OCA2: variants seen among roughly 807,000 people sequenced by gnomAD.
OCA2 encodes the protein OCA2 melanosomal transmembrane protein.
In OCA2, 77 loss-of-function variants were observed where a neutral mutation model predicts 100.2. The ratio of observed to expected loss-of-function variants is 0.77; its 90% CI spans 0.64 to 0.93. The LOEUF is 0.93. Among genes scored for constraint, OCA2 ranks in the 40% least tolerant of loss-of-function variants. The pLI is 0.00. For missense variants in OCA2, 1,062 were observed against 1,089.1 expected, an observed-to-expected ratio of 0.98 and a Z score of 0.35; for synonymous variants, 432 against 439.2, an observed-to-expected ratio of 0.98 and a Z score of 0.21.
At chr15:27,905,069 C>A (rs758083131) in intron 19 of OCA2, among the ~76,000 whole-genome samples, 1 of 150,042 alleles carries the variant, frequency 6.7e-6, no homozygotes, top group East Asian at 2.0e-4. Context: ...GAGGCTGAGG[C>A]AGGAGAATTG....
intron 18 of OCA2, among the ~76,000 whole-genome samples, chr15:27,931,672 T>C (rs908912986): frequency 3.3e-5 from 5 of 152,174 alleles, no homozygotes; most frequent in African/African-American, 1.2e-4. Context: ...AAAAATGATC[T>C]GTTCTTATTT....
chr15:27,947,981 T>G (rs1021515042), intron 18 of OCA2, among the ~76,000 whole-genome samples: 1 of 152,158 alleles, frequency 6.6e-6, no homozygotes, highest in Non-Finnish European at 1.5e-5. Flanking sequence ...AATAGTTAAG[T>G]TGGAATCTGT....
chr15:27,836,491 C>T (rs537151098), intron 23 of OCA2, among the ~76,000 whole-genome samples: 3 of 152,110 alleles, frequency 2.0e-5, no homozygotes, highest in South Asian at 2.1e-4. Flanking sequence ...TTGAAATTTA[C>T]GTTCAGAAAA....
At chr15:27,759,456 G>A (rs1014055666) in intron 23 of OCA2, among the ~76,000 whole-genome samples, 12 of 151,780 alleles carry the variant, frequency 7.9e-5, no homozygotes, top group African/African-American at 2.7e-4. Flanking sequence ...AAAATAAATA[G>A]CAAAATAGTA....
At chr15:27,870,230 C>T (rs942492119) in intron 21 of OCA2, among the ~76,000 whole-genome samples, 1 of 152,172 alleles carries the variant, frequency 6.6e-6, no homozygotes, top group African/African-American at 2.4e-5. Context: ...ATGTTCCCTG[C>T]GGGGAAGGGG....
chr15:28,089,150 C>T (rs904529404), intron 1 of OCA2, among the ~76,000 whole-genome samples: 4 of 152,242 alleles, frequency 2.6e-5, no homozygotes, highest in African/African-American at 7.2e-5. Context: ...CCTCCCGGCC[C>T]ACAGGCCACC....
intron 9 of OCA2, among the ~76,000 whole-genome samples, chr15:28,005,766 C>T (rs748135651): frequency 7.2e-5 from 11 of 152,108 alleles, no homozygotes; most frequent in Non-Finnish European, 1.5e-4. Flanking sequence ...GTGTGAGGTC[C>T]CATATGCAAA....
intron 23 of OCA2, among the ~76,000 whole-genome samples, chr15:27,812,491 T>A (rs1156957084): frequency 6.6e-6 from 1 of 152,098 alleles, no homozygotes; most frequent in African/African-American, 2.4e-5. Flanking sequence ...TATATTGACA[T>A]ACAGAGAAAC....
chr15:27,863,229 G>A (rs1415191064), intron 21 of OCA2, among the ~76,000 whole-genome samples: 4 of 152,172 alleles, frequency 2.6e-5, no homozygotes, highest in Non-Finnish European at 4.4e-5. Flanking sequence ...TGCTGCAGTC[G>A]GCTCCTGGCT....
intron 2 of OCA2, 47 bp from the exon 3 acceptor site, chr15:28,032,210 G>A (rs770126229): frequency 3.0e-6 from 4 of 1,326,916 alleles, no homozygotes; most frequent in Non-Finnish European, 4.4e-6. Flanking sequence ...CAGAAATAAT[G>A]TATGTGTTCC....
chr15:28,032,725 G>A (rs1312282308), intron 2 of OCA2, among the ~76,000 whole-genome samples: 3 of 151,122 alleles, frequency 2.0e-5, no homozygotes, highest in South Asian at 2.1e-4. Flanking sequence ...CCTGGGAGGC[G>A]GAGGTTGCAG....
chr15:27,874,783 G>A lies in OCA2; in HGVS notation c.2080-2861C>T, dbSNP rs138745423. On this transcript the variant is annotated intron_variant, in intron 19 of 23. Transcript: ENST00000354638. ...AAAAGAGTGAGTATATAACTGCCAG[G>A]AAAGGGGAAATAGAATTTTAAATAA... Among the ~76,000 whole-genome samples, 266 of 152,142 alleles carry A rather than the reference G, an allele frequency of 1.7e-3. 2 individuals carry two copies. The highest frequency in any genetic ancestry group is 6.2e-3 in the African/African-American group (256 of 41,510).
chr15:27,968,041 G>T (rs2040635488), intron 14 of OCA2, among the ~76,000 whole-genome samples: 1 of 152,010 alleles, frequency 6.6e-6, no homozygotes, highest in South Asian at 2.1e-4. Context: ...TCATTGGTTG[G>T]TTCTGCTCTT....
chr15:27,795,883 A>G (rs549997539), intron 23 of OCA2, among the ~76,000 whole-genome samples: 77 of 152,344 alleles, frequency 5.1e-4, no homozygotes, highest in African/African-American at 1.7e-3. Context: ...ACAGGGTTAT[A>G]TTATGCAGGC....
chr15:27,903,830 T>G (rs910014823), intron 19 of OCA2, among the ~76,000 whole-genome samples: 1 of 152,262 alleles, frequency 6.6e-6, no homozygotes, highest in African/African-American at 2.4e-5. Flanking sequence ...GAATGTGTCT[T>G]CTTGTTCTAA....
chr15:28,032,002 G>T, intron 3 of OCA2, 63 bp downstream of exon 3: 2 of 1,248,398 alleles, frequency 1.6e-6, no homozygotes, highest in Non-Finnish European at 2.4e-6. Flanking sequence ...AAGTTCTCCA[G>T]CATACATGCC....
In OCA2 at chr15:27,799,519, T is replaced by C. The variant is rs540234535; in HGVS notation, c.2433-44047A>G. ...AAGCACTTTGGGAGGCCAAGGCAAGTGGATAACCTGAGGTCAGGAGCTCGA... is the reference window on the plus strand; with the variant it reads ...AAGCACTTTGGGAGGCCAAGGCAAGCGGATAACCTGAGGTCAGGAGCTCGA... On this transcript the variant is annotated intron_variant, in intron 23 of 23. Coordinates refer to ENST00000354638, the MANE Select transcript of OCA2 (RefSeq NM_000275.3). Among the ~76,000 whole-genome samples, 21 of 152,196 alleles carry C rather than the reference T, an allele frequency of 1.4e-4. No homozygotes were observed. The South Asian group carries it at 3.9e-3, about 29-fold the overall frequency.
chr15:27,951,962 C>G, intron 17 of OCA2, 70 bp from the exon 18 acceptor site: 1 of 1,050,458 alleles, frequency 9.5e-7, no homozygotes, highest in Non-Finnish European at 1.5e-6. Flanking sequence ...TCATAACCTA[C>G]GCAACTGGAA....
intron 23 of OCA2, among the ~76,000 whole-genome samples, chr15:27,826,541 A>G (rs4778188): frequency 0.75 from 114,397 of 152,144 alleles, 44,400 homozygotes; most frequent in East Asian, 1. Flanking sequence ...AGCTCCCTGC[A>G]CTGCTGACCT....
Sources: allele counts gnomAD v4.1 joint callset (sites outside exome capture counted in the v4.1 genomes callset), GRCh38; gene constraint gnomAD v4.1.1; transcripts MANE v1.5; gene names NCBI Gene and HGNC (gene_info 2026-07-23, HGNC 2026-07-21).